The following ANO3 variants were observed in gnomAD, a reference collection of about 807,000 sequenced individuals.
ANO3 encodes the protein anoctamin-3.
ANO3 carries 99 observed loss-of-function variants against 144.8 expected under a neutral mutation model. The ratio of observed to expected loss-of-function variants is 0.68; its 90% CI spans 0.58 to 0.81. The LOEUF (loss-of-function observed/expected upper bound fraction) is 0.81, where lower values mean the gene tolerates loss of function less well. Among genes scored for constraint, ANO3 ranks in the 30% least tolerant of loss-of-function variants. The probability of loss-of-function intolerance (pLI) is 0.00; values close to 1 mark genes in which losing one functional copy is unlikely to be tolerated. For synonymous variants in ANO3, 414 were observed against 392.6 expected, an observed-to-expected ratio of 1.05 and a Z score of -0.64; for missense variants, 905 against 1,202.2, an observed-to-expected ratio of 0.75 and a Z score of 3.66.
At chr11:26,640,067 T>G (rs931433437) in intron 21 of ANO3, among the ~76,000 whole-genome samples, 4 of 152,130 alleles carry the variant, frequency 2.6e-5, no homozygotes, top group African/African-American at 9.7e-5. Context: ...TGAACAAAGA[T>G]CTGGGGGTTG....
intron 4 of ANO3, among the ~76,000 whole-genome samples, chr11:26,470,267 C>A (rs2134069202): frequency 6.6e-6 from 1 of 151,668 alleles, no homozygotes; most frequent in Non-Finnish European, 1.5e-5. Context: ...CAAAAATGAT[C>A]CGGGTATGGT....
intron 14 of ANO3, among the ~76,000 whole-genome samples, chr11:26,584,319 C>G (rs934314161): frequency 6.6e-5 from 10 of 152,190 alleles, no homozygotes; most frequent in African/African-American, 2.4e-4. Flanking sequence ...CCACCATGCC[C>G]GGCTAATTTT....
chr11:26,243,222 T>C (rs1466099848), intron 1 of ANO3, among the ~76,000 whole-genome samples: 1 of 152,232 alleles, frequency 6.6e-6, no homozygotes, highest in African/African-American at 2.4e-5. Flanking sequence ...TTTCAGAAGG[T>C]TGTTGCCAGG....
intron 6 of ANO3, among the ~76,000 whole-genome samples, chr11:26,523,626 G>A (rs1299070098): frequency 1.3e-4 from 20 of 152,202 alleles, no homozygotes; most frequent in Admixed American, 1.2e-3. Context: ...GGGAGGAGAA[G>A]TCTCTTTCGT....
chr11:26,597,591 G>A (rs371423401), intron 14 of ANO3, among the ~76,000 whole-genome samples: 3 of 152,244 alleles, frequency 2.0e-5, no homozygotes, highest in East Asian at 1.9e-4. Flanking sequence ...TAACAAACAC[G>A]GACCAGAAGA....
intron 17 of ANO3, among the ~76,000 whole-genome samples, chr11:26,600,473 C>T (rs1341138949): frequency 2.9e-5 from 2 of 70,066 alleles, no homozygotes; most frequent in Non-Finnish European, 5.9e-5. Context: ...TCCTCCTCCC[C>T]TCCCCTCCCC....
rs1461602099 is a variant in ANO3 at position 26,296,716 on chromosome 11, G to C, written c.155-12929G>C. ...GAGTAATTATCATTGATGAATAACA[G>C]ACACTGATTTGAAAAGCACTCACCT... On this transcript the variant is annotated intron_variant, in intron 1 of 27. Coordinates refer to the ANO3 transcript ENST00000672621. Among the ~76,000 whole-genome samples the C allele has an allele frequency of 3.9e-5, 6 of 152,166 alleles. No homozygotes were observed. The East Asian group carries it at 9.6e-4, about 24-fold the overall frequency.
chr11:26,390,606 A>G (rs1856849567), intron 1 of ANO3, among the ~76,000 whole-genome samples: 1 of 152,302 alleles, frequency 6.6e-6, no homozygotes, highest in East Asian at 1.9e-4. Context: ...ATAATCATTA[A>G]TAAGGATATG....
At chr11:26,428,098 C>T (rs530052127) in intron 1 of ANO3, among the ~76,000 whole-genome samples, 1 of 152,020 alleles carries the variant, frequency 6.6e-6, no homozygotes, top group South Asian at 2.1e-4. Flanking sequence ...TCCTTGAATC[C>T]TATAAAAGTT....
chr11:26,555,016 C>CA (rs1454527830), intron 13 of ANO3, among the ~76,000 whole-genome samples: 1 of 152,140 alleles, frequency 6.6e-6, no homozygotes, highest in African/African-American at 2.4e-5. Flanking sequence ...AGGCTGGGTG[C>CA]AAAATCCAAA....
At chr11:26,193,136 C>CTTTTTTTTT (rs34069836) in intron 1 of ANO3, among the ~76,000 whole-genome samples, 1 of 82,568 alleles carries the variant, frequency 1.2e-5, no homozygotes, top group Non-Finnish European at 2.2e-5. Flanking sequence ...TTTTGCCTAT[C>CTTTTTTTTT]TTTTTTTTTT....
At chr11:26,540,209 T>C (rs1177944578) in intron 10 of ANO3, among the ~76,000 whole-genome samples, 3 of 152,114 alleles carry the variant, frequency 2.0e-5, no homozygotes, top group Non-Finnish European at 2.9e-5. Context: ...TGAAATAAAT[T>C]TTAAAGATAC....
intron 1 of ANO3, among the ~76,000 whole-genome samples, chr11:26,418,924 C>G (rs1857672288): frequency 6.6e-6 from 1 of 152,092 alleles, no homozygotes; most frequent in South Asian, 2.1e-4. Context: ...AGGGGTGGGG[C>G]TCTAACCCAT....
chr11:26,478,853 G>A (rs1860085952), intron 4 of ANO3, among the ~76,000 whole-genome samples: 1 of 152,106 alleles, frequency 6.6e-6, no homozygotes, highest in South Asian at 2.1e-4. Flanking sequence ...TAGTCATCAG[G>A]TAATTACTTT....
intron 3 of ANO3, among the ~76,000 whole-genome samples, chr11:26,450,653 G>T (rs143142859): frequency 2.6e-5 from 4 of 152,126 alleles, no homozygotes; most frequent in African/African-American, 7.2e-5. Context: ...TGAGTTTTCC[G>T]ATTTGAGAAA....
At chr11:26,285,444 AT>A (rs1432394318) in intron 1 of ANO3, among the ~76,000 whole-genome samples, 1 of 152,200 alleles carries the variant, frequency 6.6e-6, no homozygotes, top group East Asian at 1.9e-4. Context: ...TTAAATGAAT[AT>A]TTAATACATA....
intron 1 of ANO3, among the ~76,000 whole-genome samples, chr11:26,393,395 T>G (rs992415331): frequency 6.6e-6 from 1 of 151,986 alleles, no homozygotes; most frequent in Admixed American, 6.6e-5. Flanking sequence ...CACTGCAGCA[T>G]GCCCTCTATT....
intron 1 of ANO3, among the ~76,000 whole-genome samples, chr11:26,391,220 A>T (rs1420763770): frequency 1.3e-5 from 2 of 152,110 alleles, no homozygotes; most frequent in East Asian, 3.9e-4. Flanking sequence ...TTAAGGTGAC[A>T]CAGGGCATCA....
At chr11:26,597,517 C>T (rs183368460) in intron 14 of ANO3, among the ~76,000 whole-genome samples, 100 of 152,152 alleles carry the variant, frequency 6.6e-4, no homozygotes, top group African/African-American at 2.2e-3. Flanking sequence ...TTGAAGTCAG[C>T]GGTGGGTCTG....
Sources: allele counts gnomAD v4.1 joint callset (sites outside exome capture counted in the v4.1 genomes callset), GRCh38; gene constraint gnomAD v4.1.1; transcripts MANE v1.5; gene names NCBI Gene and HGNC (gene_info 2026-07-23, HGNC 2026-07-21).